The following FGF14 variants were observed in gnomAD, a reference collection of about 807,000 sequenced individuals.
The protein encoded by FGF14 is fibroblast growth factor 14.
FGF14 carries 5 observed loss-of-function variants against 25.5 expected under a neutral mutation model. The ratio of observed to expected loss-of-function variants is 0.20; its 90% CI spans 0.10 to 0.41. The LOEUF is 0.41. Among genes scored for constraint, FGF14 ranks in the 10% least tolerant of loss-of-function variants. FGF14 has a pLI of 1.00. For synonymous variants in FGF14, 138 were observed against 118.3 expected, an observed-to-expected ratio of 1.17 and a Z score of -1.08; for missense variants, 222 against 320.1, an observed-to-expected ratio of 0.69 and a Z score of 2.34.
rs886049933 is a variant in FGF14, at chr13:101,721,760, G to A, written c.*1071C>T. ...GTATGAGGGGAACGCAGCCAGAAACGGGGATGGCGTTAAGTTTGGTTCATT... is the reference window on the plus strand; with the variant it reads ...GTATGAGGGGAACGCAGCCAGAAACAGGGATGGCGTTAAGTTTGGTTCATT... On this transcript the variant is annotated 3_prime_UTR_variant, in exon 5 of 5. Transcript: ENST00000376143. The A allele has an allele frequency of 1.3e-5, 2 of 152,068 alleles. No individual in the cohort carries two copies. The highest frequency in any genetic ancestry group is 2.4e-5 in the African/African-American group (1 of 41,410). 9.4% of individuals were successfully genotyped at this position (152,068 alleles called of 1,614,324 possible). A position where few individuals can be genotyped will look rare whatever the true frequency, so the allele number is the denominator to read the frequency against.
chr13:101,782,561 T>C (rs1448084638), intron 3 of FGF14, among the ~76,000 whole-genome samples: 1 of 152,122 alleles, frequency 6.6e-6, no homozygotes, highest in African/African-American at 2.4e-5. Flanking sequence ...CTGAAAGACC[T>C]CAGTGTCCGT....
intron 3 of FGF14, among the ~76,000 whole-genome samples, chr13:101,851,681 G>A (rs191489807): frequency 6.6e-6 from 1 of 151,846 alleles, no homozygotes; most frequent in South Asian, 2.1e-4. Flanking sequence ...CCTCCTCCTC[G>A]TCGTCTTCAT....
chr13:101,798,580 G>A (rs1022717427), intron 3 of FGF14, among the ~76,000 whole-genome samples: 2 of 152,052 alleles, frequency 1.3e-5, no homozygotes, highest in Non-Finnish European at 2.9e-5. Flanking sequence ...TGGTGGGTGG[G>A]GTTGGGGGGC....
At chr13:102,233,220 C>T (rs1439670071) in intron 1 of FGF14, among the ~76,000 whole-genome samples, 1 of 152,042 alleles carries the variant, frequency 6.6e-6, no homozygotes, top group East Asian at 1.9e-4. Context: ...CTGCAACCTC[C>T]GCCTCCTGGG....
chr13:101,849,303 A>G (rs964204916), intron 3 of FGF14, among the ~76,000 whole-genome samples: 2 of 152,104 alleles, frequency 1.3e-5, no homozygotes, highest in African/African-American at 4.8e-5. Flanking sequence ...ACCGGAAACC[A>G]AATGCTTACA....
At chr13:101,822,525 C>T (rs79022905) in intron 3 of FGF14, among the ~76,000 whole-genome samples, 2,903 of 150,018 alleles carry the variant, frequency 0.019, 95 homozygotes, top group African/African-American at 0.067. Flanking sequence ...GGGATTCTGA[C>T]ATGGATCCTA....
chr13:102,155,754 T>G (rs765517045), intron 1 of FGF14, among the ~76,000 whole-genome samples: 2 of 151,650 alleles, frequency 1.3e-5, no homozygotes, highest in African/African-American at 2.4e-5. Flanking sequence ...ACAAAATTGA[T>G]AGACCACTAG....
chr13:102,309,268 C>CT (rs2055595761), intron 1 of FGF14, among the ~76,000 whole-genome samples: 1 of 152,118 alleles, frequency 6.6e-6, no homozygotes, highest in South Asian at 2.1e-4. Flanking sequence ...CTGCACCAAA[C>CT]TCGCTGAGCG....
At chr13:102,147,507 A>G (rs1407198465) in intron 1 of FGF14, among the ~76,000 whole-genome samples, 1 of 152,222 alleles carries the variant, frequency 6.6e-6, no homozygotes, top group East Asian at 1.9e-4. Context: ...AGGCAGACAA[A>G]CATATTTCAT....
upstream of FGF14, among the ~76,000 whole-genome samples, chr13:101,921,268 C>T (rs1273337413): frequency 1.3e-5 from 2 of 152,144 alleles, no homozygotes; most frequent in African/African-American, 4.8e-5. Context: ...CTTCTAAAAA[C>T]TTCATCATTC....
chr13:102,082,157 A>G (rs1271252348), intron 1 of FGF14, among the ~76,000 whole-genome samples: 1 of 152,098 alleles, frequency 6.6e-6, no homozygotes. Context: ...ACATTTTGTC[A>G]ACAGCACTCT....
intron 1 of FGF14, among the ~76,000 whole-genome samples, chr13:102,204,324 T>C (rs1566814244): frequency 6.6e-6 from 1 of 152,086 alleles, no homozygotes; most frequent in Non-Finnish European, 1.5e-5. Flanking sequence ...CACACACTCA[T>C]ACTCCTCCCA....
chr13:102,002,946 A>G (rs181839673), intron 1 of FGF14: 1 of 152,340 alleles, frequency 6.6e-6, no homozygotes. Flanking sequence ...ACTTTCCCAC[A>G]TTAAATTAAT....
At position 101,718,466 on chromosome 13, in the gene FGF14, T is replaced by C. The variant is rs1033416195; in HGVS notation, c.*4365A>G. The C allele has an allele frequency of 2.0e-5, 3 of 152,114 alleles. No homozygotes were observed. Among genetic ancestry groups the C allele is most frequent in the Non-Finnish European group, 4.4e-5 (3 of 68,006 alleles). The allele number at this position is 152,114 out of a possible 1,614,324, so 9.4% of individuals were successfully genotyped here. On this transcript the variant is annotated 3_prime_UTR_variant, in exon 5 of 5. Coordinates refer to ENST00000376143, the MANE Select transcript of FGF14 (RefSeq NM_004115.4). ...GAGAAAATAAGCAAATCTCATTGGC[T>C]CATTCCTGTTTTTAGGAAGTTGCAG...
intron 1 of FGF14, among the ~76,000 whole-genome samples, chr13:101,999,413 TCTC>T (rs1222351656): frequency 1.3e-5 from 2 of 152,086 alleles, no homozygotes; most frequent in Non-Finnish European, 2.9e-5. Context: ...TTTGTTCTAT[TCTC>T]CTCTTAACAC....
rs1432660746 is a variant in FGF14, at chr13:101,719,354, G to A, written c.*3477C>T. The A allele has an allele frequency of 1.3e-5, 2 of 151,966 alleles. No homozygotes were observed. Among genetic ancestry groups the A allele is most frequent in the Non-Finnish European group, 1.5e-5 (1 of 67,970 alleles). 9.4% of individuals were successfully genotyped at this position (151,966 alleles called of 1,614,324 possible). A position where few individuals can be genotyped will look rare whatever the true frequency, so the allele number is the denominator to read the frequency against. On this transcript the variant is annotated 3_prime_UTR_variant, in exon 5 of 5. Transcript: ENST00000376143. ...GGCAAACTATTAGAAGAACTGGAGCGGGAGTCCTTTGGACCCATCGTGGAT... is the reference window on the plus strand; with the variant it reads ...GGCAAACTATTAGAAGAACTGGAGCAGGAGTCCTTTGGACCCATCGTGGAT...
At chr13:101,920,873 A>G (rs1292005709), upstream of FGF14, among the ~76,000 whole-genome samples, 1 of 152,228 alleles carries the variant, frequency 6.6e-6, no homozygotes, top group Non-Finnish European at 1.5e-5. Flanking sequence ...TTCAGAGACT[A>G]TGATGAGGGT....
At chr13:102,091,783 C>T (rs1007662376) in intron 1 of FGF14, among the ~76,000 whole-genome samples, 1 of 152,072 alleles carries the variant, frequency 6.6e-6, no homozygotes, top group African/African-American at 2.4e-5. Flanking sequence ...TTCCACAATA[C>T]CTTAGAGTTT....
chr13:102,096,642 A>G (rs2044414457), intron 1 of FGF14, among the ~76,000 whole-genome samples: 2 of 152,112 alleles, frequency 1.3e-5, no homozygotes, highest in Admixed American at 6.5e-5. Context: ...CAGAGAGGGT[A>G]CTTGAATTTT....
Sources: gnomAD v4.1 joint callset for allele counts (sites outside exome capture counted in the v4.1 genomes callset) on GRCh38, gnomAD v4.1.1 for gene constraint, MANE v1.5 for transcripts, NCBI Gene and HGNC (gene_info 2026-07-23, HGNC 2026-07-21) for gene names.